Variants in BIN1 observed in about 807,000 individuals in gnomAD.
The protein encoded by BIN1 is myc box-dependent-interacting protein 1.
Under a neutral mutation model 82.0 loss-of-function variants are expected in BIN1, and 53 were observed. That is an observed-to-expected ratio of 0.65 (90% CI 0.52 to 0.81). The LOEUF is 0.81. Among genes scored for constraint, BIN1 ranks in the 40% least tolerant of loss-of-function variants. The pLI is 0.00. For synonymous variants in BIN1, 302 were observed against 328.0 expected (o/e 0.92, Z 0.86); for missense variants, 642 against 784.4 (o/e 0.82, Z 2.17).
intron 1 of BIN1, among the ~76,000 whole-genome samples, chr2:127,085,476 G>A (rs886104018): frequency 6.6e-6 from 1 of 152,146 alleles, no homozygotes; most frequent in East Asian, 1.9e-4. Flanking sequence ...GCCCACACAC[G>A]CTCACACACA....
At chr2:127,054,880 C>CGG (rs966794110) in intron 12 of BIN1, 1 of 152,272 alleles carries the variant, frequency 6.6e-6, no homozygotes, top group African/African-American at 2.4e-5. Flanking sequence ...TTAGAGCCCC[C>CGG]GGCACAGGCG....
At chr2:127,088,777 G>A in intron 1 of BIN1, among the ~76,000 whole-genome samples, 1 of 152,020 alleles carries the variant, frequency 6.6e-6, no homozygotes, top group Non-Finnish European at 1.5e-5. Flanking sequence ...AAGGGCTGGG[G>A]GTGAGGGGAG....
Position 127,063,917 on chromosome 2 carries a change from C to G in BIN1, c.698+16G>C. On this transcript the variant is annotated intron_variant, in intron 8 of 18. Coordinates refer to ENST00000316724, the MANE Select transcript of BIN1 (RefSeq NM_139343.3). ...GACACTGCCCCACGCAGGCTGGGCA[C>G]CGTGCTGGGCCTCACCTGTTCCACA... The G allele has an allele frequency of 6.2e-7, 1 of 1,613,078 alleles. No homozygotes were observed. Among genetic ancestry groups the G allele is most frequent in the South Asian group, 1.1e-5 (1 of 90,966 alleles).
chr2:127,088,722 G>C (rs577101325), intron 1 of BIN1, among the ~76,000 whole-genome samples: 238 of 150,538 alleles, frequency 1.6e-3, no homozygotes, highest in African/African-American at 5.7e-3. Context: ...CAGGGCGACA[G>C]AGCAAGACCG....
At chr2:127,054,778 T>C (rs1209687183) in intron 12 of BIN1, 3 of 152,564 alleles carry the variant, frequency 2.0e-5, no homozygotes, top group African/African-American at 7.2e-5. Flanking sequence ...GTGACAGGCA[T>C]GGCCCCAGGG....
chr2:127,065,189 G>A (rs940520378), intron 7 of BIN1, among the ~76,000 whole-genome samples: 2 of 152,270 alleles, frequency 1.3e-5, no homozygotes, highest in African/African-American at 2.4e-5. Flanking sequence ...GGTTGGGACT[G>A]GAGGAGGGGC....
At chr2:127,095,520 G>C (rs1345461907) in intron 1 of BIN1, among the ~76,000 whole-genome samples, 1 of 152,198 alleles carries the variant, frequency 6.6e-6, no homozygotes, top group Non-Finnish European at 1.5e-5. Context: ...ACATATGCCA[G>C]GTGTTCCCCA....
At chr2:127,085,814 C>G (rs576490898) in intron 1 of BIN1, among the ~76,000 whole-genome samples, 17 of 152,190 alleles carry the variant, frequency 1.1e-4, no homozygotes, top group Admixed American at 1.1e-3. Flanking sequence ...ATACCTGGGG[C>G]CCCCATGTCC....
At chr2:127,073,980 C>T (rs1388619207) in intron 2 of BIN1, among the ~76,000 whole-genome samples, 3 of 152,136 alleles carry the variant, frequency 2.0e-5, no homozygotes, top group Admixed American at 6.5e-5. Flanking sequence ...GGCTGTGCAC[C>T]TGGGTCCTTG....
At chr2:127,051,041 T>C (rs1682875454) in intron 16 of BIN1, 113 bp downstream of exon 16, 3 of 1,524,524 alleles carry the variant, frequency 2.0e-6, no homozygotes, top group African/African-American at 2.7e-5. Context: ...CGCCTCCAGC[T>C]TCCTCAACAG....
chr2:127,101,045 C>A (rs185498588), intron 1 of BIN1, among the ~76,000 whole-genome samples: 6 of 141,976 alleles, frequency 4.2e-5, no homozygotes, highest in East Asian at 2.0e-4. Context: ...AGCTTTCTAC[C>A]GCACCCAGAG....
chr2:127,053,127 T>C, intron 14 of BIN1: 1 of 510,202 alleles, frequency 2.0e-6, no homozygotes, highest in Non-Finnish European at 3.6e-6. Flanking sequence ...CCCACTTCTG[T>C]CTGGAGGCAA....
chr2:127,066,471 T>C (rs935734887), intron 7 of BIN1, among the ~76,000 whole-genome samples: 14 of 151,996 alleles, frequency 9.2e-5, no homozygotes, highest in Non-Finnish European at 1.8e-4. Flanking sequence ...GGTTCTCCCA[T>C]CCACAAAAAA....
At position 127,067,336 on chromosome 2, in the gene BIN1, C is replaced by T. The variant is rs1240434459; in HGVS notation, c.612+827G>A. On this transcript the variant is annotated intron_variant, in intron 7 of 18. Coordinates refer to ENST00000316724, the MANE Select transcript of BIN1 (RefSeq NM_139343.3). The surrounding 1 kb of genome is among the most constrained non-coding windows in gnomAD (Gnocchi z 4.7). ...CTCAGTTTCATTGGCGAGAAAACCACATGACCCACCTCTCACAGGGCACTG... is the reference window on the plus strand; with the variant it reads ...CTCAGTTTCATTGGCGAGAAAACCATATGACCCACCTCTCACAGGGCACTG... Among the ~76,000 whole-genome samples the T allele has an allele frequency of 1.3e-5, 2 of 152,240 alleles. No homozygotes were observed. Among genetic ancestry groups the T allele is most frequent in the African/African-American group, 2.4e-5 (1 of 41,460 alleles).
intron 1 of BIN1, among the ~76,000 whole-genome samples, chr2:127,079,929 A>G (rs758138285): frequency 3.3e-5 from 5 of 152,242 alleles, no homozygotes; most frequent in Non-Finnish European, 7.3e-5. Flanking sequence ...AGCAAGCCTG[A>G]GGCTGAGCCA....
At chr2:127,076,991 G>T (rs1012929333) in intron 1 of BIN1, among the ~76,000 whole-genome samples, 8 of 152,090 alleles carry the variant, frequency 5.3e-5, no homozygotes, top group African/African-American at 1.9e-4. Flanking sequence ...CTTCAAAGAT[G>T]GCAAGAAGGA....
Position 127,076,709 on chromosome 2 carries a change from G to A in BIN1, c.85-3C>T, listed in dbSNP as rs781327738. 28 of 1,613,954 alleles carry A rather than the reference G, an allele frequency of 1.7e-5. No homozygotes were observed. The highest frequency in any genetic ancestry group is 2.3e-5 in the Non-Finnish European group (27 of 1,180,020). On this transcript the variant is annotated splice_polypyrimidine_tract_variant and splice_region_variant and intron_variant, in intron 1 of 18. Transcript: ENST00000316724. ...GCCTTCCCCAGCTTCTGGAGAACCT[G>A]CCGAAGCCAAGAGAGAAGGGGAGAG...
chr2:127,086,189 G>C (rs1678135365), intron 1 of BIN1, among the ~76,000 whole-genome samples: 1 of 152,162 alleles, frequency 6.6e-6, no homozygotes, highest in South Asian at 2.1e-4. Context: ...CGGTCACTCA[G>C]CTAATGAGCT....
At position 127,057,738 on chromosome 2, in the gene BIN1, A is replaced by G; in HGVS notation, c.1003-137T>C. ...CCACCCAGGCCACTGAGCAGGACGC[A>G]GCAAATGAAGAGTCACTGCCCTCCC... On this transcript the variant is annotated intron_variant, in intron 11 of 18. Transcript: ENST00000316724. This position sits in a 1 kb window ranked among gnomAD's most constrained non-coding sequence, Gnocchi z 5.0. 1.7e-6 allele frequency: 2 copies of G among 1,144,116 alleles called. No homozygotes were observed. The highest frequency in any genetic ancestry group is 2.3e-6 in the Non-Finnish European group (2 of 867,086). 70.9% of individuals were successfully genotyped at this position (1,144,116 alleles called of 1,614,324 possible). A position where few individuals can be genotyped will look rare whatever the true frequency, so the allele number is the denominator to read the frequency against.
Sources: gnomAD v4.1 joint callset for allele counts (sites outside exome capture counted in the v4.1 genomes callset) on GRCh38, gnomAD v4.1.1 for gene constraint, Gnocchi (gnomAD v3.1) non-coding constraint, MANE v1.5 for transcripts, NCBI Gene and HGNC (gene_info 2026-07-23, HGNC 2026-07-21) for gene names.